PCDHGB1: variants seen among roughly 807,000 people sequenced by gnomAD.
PCDHGB1 encodes the protein protocadherin gamma subfamily B, 1.
In PCDHGB1, 34 loss-of-function variants were observed where a neutral mutation model predicts 56.6. The observed-to-expected ratio is 0.60, with a 90% CI of 0.46 to 0.80. The LOEUF (loss-of-function observed/expected upper bound fraction) is 0.80, where lower values mean the gene tolerates loss of function less well. Among genes scored for constraint, PCDHGB1 ranks in the 30% least tolerant of loss-of-function variants. The probability of loss-of-function intolerance (pLI) is 0.00; values close to 1 mark genes in which losing one functional copy is unlikely to be tolerated. For missense variants in PCDHGB1, 1,278 were observed against 1,204.6 expected (o/e 1.06, Z -0.90); for synonymous variants, 561 against 505.9 (o/e 1.11, Z -1.46).
chr5:141,361,926 C>T, intron 1 of PCDHGB1: 1 of 1,607,688 alleles, frequency 6.2e-7, no homozygotes, highest in Non-Finnish European at 8.5e-7. Flanking sequence ...TGGACGCAGA[C>T]TCAGGACACA....
In PCDHGB1 at chr5:141,486,697, C is replaced by T. The variant is rs146956400; in HGVS notation, c.2410-8110C>T. 89 of 1,614,058 alleles carry T rather than the reference C, an allele frequency of 5.5e-5. No homozygotes were observed. Among genetic ancestry groups the T allele is most frequent in the Non-Finnish European group, 7.4e-5 (87 of 1,180,040 alleles). ...GAGATGTATCAGCTTCCTCTTTCAT[C>T]TCTCTGAACCCCCAGACAGGAGCTG... On this transcript the variant is annotated intron_variant, in intron 1 of 3. Coordinates refer to ENST00000523390, the MANE Select transcript of PCDHGB1 (RefSeq NM_018922.3). The surrounding 1 kb of genome is among the most constrained non-coding windows in gnomAD (Gnocchi z 5.0).
At chr5:141,357,153 G>A in intron 1 of PCDHGB1, 2 of 1,613,624 alleles carry the variant, frequency 1.2e-6, no homozygotes, top group South Asian at 1.1e-5. Flanking sequence ...ACCATGGCCA[G>A]CCCCCTCTCT....
chr5:141,409,670 T>C lies in PCDHGB1; in HGVS notation c.2409+57001T>C, dbSNP rs2095300697. 1.9e-6 allele frequency: 3 copies of C among 1,613,486 alleles called. No homozygotes were observed. In the East Asian group the frequency reaches 6.7e-5, roughly 36 times the overall value. ...GGGGCTCAATGGCCACATCTCCTACTCTATAGTGGCGAGTGACCTAGAGCC... is the reference window on the plus strand; with the variant it reads ...GGGGCTCAATGGCCACATCTCCTACCCTATAGTGGCGAGTGACCTAGAGCC... On this transcript the variant is annotated intron_variant, in intron 1 of 3. Transcript: ENST00000523390.
chr5:141,438,368 G>A (rs1216571092), intron 1 of PCDHGB1, among the ~76,000 whole-genome samples: 2 of 151,558 alleles, frequency 1.3e-5, no homozygotes, highest in African/African-American at 4.8e-5. Context: ...GTCATTGAGG[G>A]CAGATATAAT....
intron 2 of PCDHGB1, among the ~76,000 whole-genome samples, chr5:141,499,317 A>G (rs532848559): frequency 7.9e-5 from 12 of 152,354 alleles, no homozygotes; most frequent in Admixed American, 1.3e-4. Context: ...GAGAGACAGT[A>G]TCCCTGCTCT....
At chr5:141,405,775 G>A (rs2094716657) in intron 1 of PCDHGB1, among the ~76,000 whole-genome samples, 1 of 152,002 alleles carries the variant, frequency 6.6e-6, no homozygotes, top group African/African-American at 2.4e-5. Flanking sequence ...ACTGCGCCTG[G>A]CCCTTAACTT....
intron 1 of PCDHGB1, chr5:141,410,113 A>G (rs760617436): frequency 3.4e-5 from 55 of 1,612,436 alleles, no homozygotes; most frequent in Non-Finnish European, 4.6e-5. Flanking sequence ...ACAGGGACGC[A>G]GCCCGCCAGC....
At chr5:141,483,385 G>C (rs1166547027) in intron 1 of PCDHGB1, among the ~76,000 whole-genome samples, 1 of 152,160 alleles carries the variant, frequency 6.6e-6, no homozygotes, top group Non-Finnish European at 1.5e-5. Context: ...AGAGAAGATT[G>C]ATAAATGCTT....
chr5:141,459,862 C>T (rs931723906), intron 1 of PCDHGB1, among the ~76,000 whole-genome samples: 3 of 152,158 alleles, frequency 2.0e-5, no homozygotes, highest in East Asian at 1.9e-4. Context: ...TTGAAGCATT[C>T]GTTCATCTTT....
chr5:141,393,892 C>A lies in PCDHGB1; in HGVS notation c.2409+41223C>A, dbSNP rs775134910. The A allele has an allele frequency of 1.2e-5, 19 of 1,613,856 alleles. No homozygotes were observed. Among genetic ancestry groups the A allele is most frequent in the Admixed American group, 6.7e-5 (4 of 60,000 alleles). ...TTGTTTAGCCCAGTGTTAGAAAATT[C>A]TCTTCCCGGGACAGTAATTGCCTTC... On this transcript the variant is annotated intron_variant, in intron 1 of 3. Transcript: ENST00000523390.
At position 141,399,286 on chromosome 5, in the gene PCDHGB1, C is replaced by T; in HGVS notation, c.2409+46617C>T. 3.1e-6 allele frequency: 5 copies of T among 1,613,858 alleles called. No individual in the cohort carries two copies. In the South Asian group the frequency reaches 5.5e-5, roughly 18 times the overall value. ...TAATTGTCAATTACAAGGCGAAGTCCCTTTTAAGATTATCTCTTCATCCAA... is the reference window on the plus strand; with the variant it reads ...TAATTGTCAATTACAAGGCGAAGTCTCTTTTAAGATTATCTCTTCATCCAA... On this transcript the variant is annotated intron_variant, in intron 1 of 3. Transcript: ENST00000523390.
intron 1 of PCDHGB1, chr5:141,375,729 G>A: frequency 1.9e-6 from 3 of 1,614,264 alleles, no homozygotes; most frequent in Non-Finnish European, 2.5e-6. Flanking sequence ...GTGTCACTGA[G>A]CCTGTTTGTG....
At position 141,350,612 on chromosome 5, in the gene PCDHGB1, G is replaced by C. The variant is rs1232171482; in HGVS notation, c.352G>C (p.Val118Leu). Reference sequence around the variant, plus strand: ...CCCAATGAATGTTTTCCACGTGGTTGTTGTAATCCAAGATATTAATGACAA... The same window carrying C: ...CCCAATGAATGTTTTCCACGTGGTTCTTGTAATCCAAGATATTAATGACAA... ...ENPMNVFHVV[V>L]VIQDINDNAP... is the part of the protein sequence containing the mutation. The change falls in exon 1 of 4, where the codon GTT (valine) becomes CTT (leucine). Residue 118 changes from valine (V) to leucine (L), a missense_variant. Val to Leu is a conservative substitution (Grantham distance 32). Coordinates refer to ENST00000523390, the MANE Select transcript of PCDHGB1 (RefSeq NM_018922.3). 4 of 1,614,070 alleles carry C rather than the reference G, an allele frequency of 2.5e-6. No individual in the cohort carries two copies. The highest frequency in any genetic ancestry group is 3.3e-4 in the Middle Eastern group (2 of 6,062).
At chr5:141,391,253 T>C (rs1157052865) in intron 1 of PCDHGB1, 1 of 152,146 alleles carries the variant, frequency 6.6e-6, no homozygotes, top group Non-Finnish European at 1.5e-5. Flanking sequence ...AAGCAACTGC[T>C]TCAGTTAATG....
intron 1 of PCDHGB1, chr5:141,371,822 C>T (rs3749776): frequency 0.026 from 42,283 of 1,613,860 alleles, 714 homozygotes; most frequent in East Asian, 0.041. Flanking sequence ...ATGTCAGAGC[C>T]TCGGATCCCG....
Position 141,371,960 on chromosome 5 carries a change from C to A in PCDHGB1, c.2409+19291C>A, listed in dbSNP as rs771450244. On this transcript the variant is annotated intron_variant, in intron 1 of 3. Transcript: ENST00000523390. ...TGTTCGCGCAGCGAGCCTTCGACCACGAGCAGCTGCGTGCCTTCGAGCTCA... is the reference window on the plus strand; with the variant it reads ...TGTTCGCGCAGCGAGCCTTCGACCAAGAGCAGCTGCGTGCCTTCGAGCTCA... 1.9e-6 allele frequency: 3 copies of A among 1,613,142 alleles called. No homozygotes were observed. The African/African-American group carries it at 4.0e-5, about 22-fold the overall frequency.
At chr5:141,409,885 G>A in intron 1 of PCDHGB1, 1 of 1,613,110 alleles carries the variant, frequency 6.2e-7, no homozygotes. Flanking sequence ...ACGCACCGCG[G>A]GTGCTGTACC....
intron 1 of PCDHGB1, chr5:141,418,622 G>C: frequency 6.2e-7 from 1 of 1,614,026 alleles, no homozygotes; most frequent in Non-Finnish European, 8.5e-7. Context: ...TCGGGAAGAC[G>C]TGCCTCCAGG....
chr5:141,432,367 C>A lies in PCDHGB1; in HGVS notation c.2410-62440C>A, dbSNP rs2097491556. 6.2e-7 allele frequency: 1 copy of A among 1,614,246 alleles called. No individual in the cohort carries two copies. The highest frequency in any genetic ancestry group is 8.5e-7 in the Non-Finnish European group (1 of 1,180,040). The stretch of plus-strand genomic sequence containing the variant: ...TGCAAGTGAAAGTGATGGCGCGGGA[C>A]AACGGGCACCCGCCCCTCAGCAGCA... On this transcript the variant is annotated intron_variant, in intron 1 of 3. Transcript: ENST00000523390. This position sits in a 1 kb window ranked among gnomAD's most constrained non-coding sequence, Gnocchi z 6.0.
Sources: gnomAD v4.1 joint callset for allele counts (sites outside exome capture counted in the v4.1 genomes callset) on GRCh38, gnomAD v4.1.1 for gene constraint, Gnocchi (gnomAD v3.1) non-coding constraint, MANE v1.5 for transcripts, NCBI Gene and HGNC (gene_info 2026-07-23, HGNC 2026-07-21) for gene names.